Variants in JMJD1C observed in about 807,000 individuals in gnomAD.
The protein encoded by JMJD1C is jumonji domain-containing protein 1C.
In JMJD1C, 31 loss-of-function variants were observed where a neutral mutation model predicts 245.3. The ratio of observed to expected loss-of-function variants is 0.13; its 90% CI spans 0.09 to 0.17. JMJD1C has a LOEUF of 0.17. Ranked by LOEUF, JMJD1C falls within the 10% of genes least tolerant of loss-of-function variation. The probability of loss-of-function intolerance (pLI) is 1.00; values close to 1 mark genes in which losing one functional copy is unlikely to be tolerated. For synonymous variants in JMJD1C, 1,057 were observed against 1,017.4 expected, an observed-to-expected ratio of 1.04 and a Z score of -0.74; for missense variants, 2,691 against 3,000.2, an observed-to-expected ratio of 0.90 and a Z score of 2.41.
intron 1 of JMJD1C, among the ~76,000 whole-genome samples, chr10:63,387,084 A>G (rs1947666077): frequency 6.6e-6 from 1 of 151,964 alleles, no homozygotes; most frequent in Non-Finnish European, 1.5e-5. Context: ...AAAAAATCAC[A>G]TGGAGTCTAC....
chr10:63,292,535 C>T (rs1298941951), intron 2 of JMJD1C, among the ~76,000 whole-genome samples: 2 of 151,832 alleles, frequency 1.3e-5, no homozygotes, highest in African/African-American at 2.4e-5. Flanking sequence ...TGCTTGAACC[C>T]GGGAAGCAGA....
At chr10:63,396,572 T>C (rs1948502428) in intron 1 of JMJD1C, among the ~76,000 whole-genome samples, 1 of 152,092 alleles carries the variant, frequency 6.6e-6, no homozygotes, top group Non-Finnish European at 1.5e-5. Context: ...TGTAGCGAAT[T>C]TGGTTGAAAG....
chr10:63,215,213 ATT>A, intron 7 of JMJD1C, 48 bp downstream of exon 7: 2 of 1,535,686 alleles, frequency 1.3e-6, no homozygotes, highest in African/African-American at 1.4e-5. Flanking sequence ...TTTAAAATGT[ATT>A]TTTGTTTTAT....
intron 2 of JMJD1C, among the ~76,000 whole-genome samples, chr10:63,353,437 G>A (rs1306505391): frequency 6.6e-6 from 1 of 152,146 alleles, no homozygotes; most frequent in African/African-American, 2.4e-5. Context: ...ATGCAAAGCA[G>A]GTGAAACGGT....
intron 2 of JMJD1C, among the ~76,000 whole-genome samples, chr10:63,356,105 T>G (rs1387043371): frequency 6.6e-6 from 1 of 152,194 alleles, no homozygotes; most frequent in Non-Finnish European, 1.5e-5. Context: ...ACAATCTACA[T>G]AGCAGCATAT....
At chr10:63,263,959 T>TACAC (rs746833882) in intron 3 of JMJD1C, among the ~76,000 whole-genome samples, 1,404 of 82,966 alleles carry the variant, frequency 0.017, 36 homozygotes, top group African/African-American at 0.026. Flanking sequence ...AAAATACACA[T>TACAC]ACACACACAC....
intron 2 of JMJD1C, among the ~76,000 whole-genome samples, chr10:63,327,283 G>A (rs995216582): frequency 7.9e-5 from 12 of 152,152 alleles, no homozygotes; most frequent in Non-Finnish European, 1.2e-4. Context: ...TTAAAAATAC[G>A]TTTCTATGTA....
intron 1 of JMJD1C, among the ~76,000 whole-genome samples, chr10:63,444,464 G>A (rs974981280): frequency 2.0e-5 from 3 of 151,784 alleles, no homozygotes; most frequent in Non-Finnish European, 2.9e-5. Flanking sequence ...AGTAGAGACC[G>A]GGTTTCACCA....
At chr10:63,419,442 T>C (rs1405629633) in intron 1 of JMJD1C, among the ~76,000 whole-genome samples, 2 of 151,986 alleles carry the variant, frequency 1.3e-5, no homozygotes, top group Non-Finnish European at 2.9e-5. Flanking sequence ...TTTTAAGCCA[T>C]GTACTAATAA....
At chr10:63,220,008 G>C (rs1263437646) in intron 3 of JMJD1C, 25 bp from the exon 4 acceptor site, 3 of 1,549,068 alleles carry the variant, frequency 1.9e-6, no homozygotes, top group Non-Finnish European at 2.7e-6. Flanking sequence ...TAAAAGAAAG[G>C]TCCATGTTAC....
intron 14 of JMJD1C, 159 bp from the exon 15 acceptor site, chr10:63,193,631 C>T (rs570493234): frequency 3.9e-6 from 2 of 510,930 alleles, no homozygotes; most frequent in East Asian, 3.3e-5. Context: ...CCATCTATTA[C>T]AGTTTTGATT....
intron 1 of JMJD1C, among the ~76,000 whole-genome samples, chr10:63,484,004 A>G (rs989013364): frequency 2.6e-5 from 4 of 152,238 alleles, no homozygotes; most frequent in Admixed American, 1.3e-4. Context: ...ATCTGAATAC[A>G]TATTATCTCT....
At chr10:63,253,528 C>T (rs192231080) in intron 3 of JMJD1C, among the ~76,000 whole-genome samples, 2,015 of 152,026 alleles carry the variant, frequency 0.013, 30 homozygotes, top group African/African-American at 0.034. Context: ...GGAATACAGG[C>T]GCCCGCCACC....
At chr10:63,236,871 T>C (rs1050608494) in intron 3 of JMJD1C, among the ~76,000 whole-genome samples, 22 of 152,248 alleles carry the variant, frequency 1.4e-4, no homozygotes, top group African/African-American at 5.3e-4. Context: ...ACCAGCACTT[T>C]GAGAAGCTGA....
chr10:63,497,315 T>C lies in JMJD1C; in HGVS notation n.113+24423A>G, dbSNP rs141677135. On this transcript the variant is annotated intron_variant and non_coding_transcript_variant, in intron 1 of 3. Transcript: ENST00000633035. ...ACTGATGATATAAAATGTTTATGTA[T>C]ACAATGGACTATTATTCAGTAATAA... Among the ~76,000 whole-genome samples the C allele has an allele frequency of 4.0e-3, 606 of 152,308 alleles. 2 individuals are homozygous for C. Among genetic ancestry groups the C allele is most frequent in the Non-Finnish European group, 6.7e-3 (453 of 68,026 alleles).
intron 1 of JMJD1C, among the ~76,000 whole-genome samples, chr10:63,474,576 A>T (rs575564682): frequency 5.9e-4 from 90 of 151,844 alleles, no homozygotes; most frequent in African/African-American, 2.1e-3. Flanking sequence ...TCAGCCTCCC[A>T]AGTAGCTGGG....
At chr10:63,296,753 A>T (rs1859478036) in intron 2 of JMJD1C, among the ~76,000 whole-genome samples, 1 of 152,242 alleles carries the variant, frequency 6.6e-6, no homozygotes, top group Non-Finnish European at 1.5e-5. Context: ...GCATATAATG[A>T]GATCAGCTAT....
chr10:63,418,645 G>C (rs1310693016), intron 1 of JMJD1C, among the ~76,000 whole-genome samples: 1 of 152,164 alleles, frequency 6.6e-6, no homozygotes, highest in Non-Finnish European at 1.5e-5. Flanking sequence ...GCTTACAGCA[G>C]AGAAATACTA....
intron 2 of JMJD1C, among the ~76,000 whole-genome samples, chr10:63,291,024 G>C (rs1353622905): frequency 6.6e-6 from 1 of 152,012 alleles, no homozygotes; most frequent in East Asian, 1.9e-4. Context: ...AACAGGGCTT[G>C]GGCTGGGCGC....
Sources: allele counts gnomAD v4.1 joint callset (sites outside exome capture counted in the v4.1 genomes callset), GRCh38; gene constraint gnomAD v4.1.1; transcripts MANE v1.5; gene names NCBI Gene and HGNC (gene_info 2026-07-23, HGNC 2026-07-21).